Variants in KCNH7 observed in about 807,000 individuals in gnomAD.
The protein encoded by KCNH7 is voltage-gated inwardly rectifying potassium channel KCNH7.
In KCNH7, 49 loss-of-function variants were observed where a neutral mutation model predicts 120.8. The ratio of observed to expected loss-of-function variants is 0.41; its 90% CI spans 0.32 to 0.51. The LOEUF is 0.51. KCNH7 is among the 20% of genes least tolerant of loss of function. The pLI is 0.38. For missense variants in KCNH7, 1,097 were observed against 1,446.6 expected, an observed-to-expected ratio of 0.76 and a Z score of 3.92; for synonymous variants, 547 against 516.1, an observed-to-expected ratio of 1.06 and a Z score of -0.81.
intron 9 of KCNH7, 61 bp downstream of exon 9, chr2:162,423,275 C>A: frequency 6.2e-7 from 1 of 1,610,472 alleles, no homozygotes. Context: ...GGCTTTTATT[C>A]CATTTTGGCT....
chr2:162,612,395 C>T (rs567204725), intron 2 of KCNH7, among the ~76,000 whole-genome samples: 5 of 152,176 alleles, frequency 3.3e-5, no homozygotes, highest in Non-Finnish European at 4.4e-5. Flanking sequence ...GAGCTTGAGT[C>T]AGAGAAAACA....
At chr2:162,834,500 TA>T (rs1685585728) in intron 2 of KCNH7, among the ~76,000 whole-genome samples, 1 of 152,064 alleles carries the variant, frequency 6.6e-6, no homozygotes, top group South Asian at 2.1e-4. Flanking sequence ...AAATTTTTAC[TA>T]AAGGTTAATT....
intron 8 of KCNH7, among the ~76,000 whole-genome samples, chr2:162,430,286 AG>A (rs923312094): frequency 6.6e-6 from 1 of 152,056 alleles, no homozygotes; most frequent in African/African-American, 2.4e-5. Context: ...TTTAGCTTAT[AG>A]TACTTCTGGA....
intron 2 of KCNH7, among the ~76,000 whole-genome samples, chr2:162,816,255 C>A (rs1684914221): frequency 2.7e-5 from 1 of 37,204 alleles, no homozygotes; most frequent in Admixed American, 4.5e-4. Flanking sequence ...GAAACTCCAT[C>A]TCAAAAAAAA....
intron 2 of KCNH7, among the ~76,000 whole-genome samples, chr2:162,765,500 G>A (rs1449111166): frequency 6.6e-6 from 1 of 152,076 alleles, no homozygotes; most frequent in Non-Finnish European, 1.5e-5. Flanking sequence ...GTGCTGGAAG[G>A]TTTTCTTCAT....
chr2:162,372,200 T>C (rs1018609260), intron 15 of KCNH7, 105 bp from the exon 16 acceptor site: 10 of 931,292 alleles, frequency 1.1e-5, no homozygotes, highest in Non-Finnish European at 1.6e-5. Flanking sequence ...CATTAATCTA[T>C]ATTTGATTAG....
Position 162,762,521 on chromosome 2 carries a change from C to G in KCNH7, c.307+74016G>C, listed in dbSNP as rs750712068. 5.0e-4 allele frequency among the ~76,000 whole-genome samples: 76 copies of G among 151,892 alleles called. 1 individual carries two copies. The highest frequency in any genetic ancestry group is 6.6e-5 in the Admixed American group (1 of 15,190). ...CAGATGTGAAATTGATAAAGACCAC[C>G]CTATGGCACAAACTTTAGCTGGTGA... On this transcript the variant is annotated intron_variant, in intron 2 of 15. Transcript: ENST00000332142.
At chr2:162,663,761 G>A (rs1371826311) in intron 2 of KCNH7, among the ~76,000 whole-genome samples, 3 of 152,120 alleles carry the variant, frequency 2.0e-5, no homozygotes, top group Non-Finnish European at 2.9e-5. Flanking sequence ...TGGCTTGGAT[G>A]TCTCAAAATG....
At chr2:162,544,635 T>C (rs1692416082) in intron 2 of KCNH7, among the ~76,000 whole-genome samples, 2 of 152,148 alleles carry the variant, frequency 1.3e-5, no homozygotes, top group African/African-American at 4.8e-5. Context: ...TTCTAAGATA[T>C]TTTTTATGTT....
chr2:162,586,334 A>G (rs1001993307), intron 2 of KCNH7, among the ~76,000 whole-genome samples: 1 of 152,084 alleles, frequency 6.6e-6, no homozygotes, highest in East Asian at 1.9e-4. Context: ...TGGAACGTTG[A>G]GAGCACCAGA....
In KCNH7 at chr2:162,838,701, A is replaced by G. The variant is rs1478504821; in HGVS notation, c.-183T>C. 28 of 485,638 alleles carry G rather than the reference A, an allele frequency of 5.8e-5. No homozygotes were observed. The South Asian group carries it at 7.3e-4, about 13-fold the overall frequency. 30.1% of individuals were successfully genotyped at this position (485,638 alleles called of 1,614,324 possible). ...CACCCGCTTTCCCCACCGGAGTCCA[A>G]TCCATTCCCCTCACCTTCCGGAGGG... On this transcript the variant is annotated 5_prime_UTR_variant, in exon 1 of 16. Transcript: ENST00000332142.
intron 2 of KCNH7, among the ~76,000 whole-genome samples, chr2:162,541,308 C>T (rs1692295069): frequency 1.3e-5 from 2 of 151,886 alleles, no homozygotes; most frequent in African/African-American, 4.8e-5. Context: ...AACTATGTGA[C>T]CTGAGTCTGG....
intron 2 of KCNH7, among the ~76,000 whole-genome samples, chr2:162,632,084 G>C (rs1175417439): frequency 6.6e-6 from 1 of 151,910 alleles, no homozygotes; most frequent in Admixed American, 6.6e-5. Flanking sequence ...AAGGAAAAAA[G>C]CTGCCCGTAT....
chr2:162,456,705 T>A (rs923499735), intron 6 of KCNH7, among the ~76,000 whole-genome samples: 1 of 152,202 alleles, frequency 6.6e-6, no homozygotes, highest in Non-Finnish European at 1.5e-5. Context: ...GGTGCATATA[T>A]ATTTAGGATA....
At chr2:162,611,315 A>AG (rs1244701727) in intron 2 of KCNH7, among the ~76,000 whole-genome samples, 1 of 152,190 alleles carries the variant, frequency 6.6e-6, no homozygotes, top group African/African-American at 2.4e-5. Context: ...TAGCAGGACA[A>AG]GCAGGAATGA....
At chr2:162,615,381 T>C (rs541529999) in intron 2 of KCNH7, among the ~76,000 whole-genome samples, 5 of 152,322 alleles carry the variant, frequency 3.3e-5, no homozygotes, top group African/African-American at 1.2e-4. Context: ...CAATTACTGT[T>C]TTCTGTTGAC....
chr2:162,523,239 C>A (rs189912945), intron 3 of KCNH7, among the ~76,000 whole-genome samples: 133 of 151,822 alleles, frequency 8.8e-4, no homozygotes, highest in South Asian at 7.1e-3. Flanking sequence ...TAGATAAATG[C>A]ATACACACAA....
chr2:162,743,586 T>C lies in KCNH7; in HGVS notation c.307+92951A>G, dbSNP rs191257063. ...GGAACATAGAATACCAGATTTATCA[T>C]ATTTCTGGTATTAAAAATTAGAGGT... On this transcript the variant is annotated intron_variant, in intron 2 of 15. Transcript: ENST00000332142. Among the ~76,000 whole-genome samples the C allele has an allele frequency of 1.2e-4, 19 of 152,278 alleles. No homozygotes were observed. In the East Asian group the frequency reaches 3.5e-3, roughly 28 times the overall value.
intron 2 of KCNH7, among the ~76,000 whole-genome samples, chr2:162,593,705 A>T (rs75042172): frequency 0.043 from 6,606 of 152,028 alleles, 288 homozygotes; most frequent in East Asian, 0.11. Flanking sequence ...TACAGCCATG[A>T]ACCTATTTGA....
Sources: allele counts gnomAD v4.1 joint callset (sites outside exome capture counted in the v4.1 genomes callset), GRCh38; gene constraint gnomAD v4.1.1; transcripts MANE v1.5; gene names NCBI Gene and HGNC (gene_info 2026-07-23, HGNC 2026-07-21).